The following MITF variants were observed in gnomAD, a reference collection of about 807,000 sequenced individuals.
MITF encodes microphthalmia-associated transcription factor.
MITF carries 17 observed loss-of-function variants against 60.5 expected under a neutral mutation model. The observed-to-expected ratio is 0.28, with a 90% CI of 0.19 to 0.42. The LOEUF is 0.42. MITF is among the 10% of genes least tolerant of loss of function. The pLI is 1.00. For missense variants in MITF, 622 were observed against 683.5 expected (o/e 0.91, Z 1.00); for synonymous variants, 260 against 248.5 (o/e 1.05, Z -0.43).
intron 1 of MITF, among the ~76,000 whole-genome samples, chr3:69,844,475 A>G (rs1425963162): frequency 6.6e-6 from 1 of 152,208 alleles, no homozygotes; most frequent in African/African-American, 2.4e-5. Context: ...TTAACTCAAG[A>G]TGGATTAAAG....
intron 2 of MITF, among the ~76,000 whole-genome samples, chr3:69,894,928 T>A (rs538158880): frequency 6.6e-6 from 1 of 152,104 alleles, no homozygotes; most frequent in Non-Finnish European, 1.5e-5. Context: ...TCTTGCAAAG[T>A]TCACTACTTC....
intron 1 of MITF, among the ~76,000 whole-genome samples, chr3:69,743,803 C>A (rs924243964): frequency 6.6e-6 from 1 of 152,180 alleles, no homozygotes; most frequent in Non-Finnish European, 1.5e-5. Flanking sequence ...GTTGAATGAG[C>A]TCCTAGGAGC....
Position 69,814,747 on chromosome 3 carries a change from T to C in MITF, c.105-64387T>C, listed in dbSNP as rs75594478. On this transcript the variant is annotated intron_variant, in intron 1 of 9. Transcript: ENST00000352241. Reference sequence around the variant, plus strand: ...TGCCAGTTATTAATCTACTGCGGCATGTAAAAAGAAGGTGCAAGCTTCCAG... The same window carrying C: ...TGCCAGTTATTAATCTACTGCGGCACGTAAAAAGAAGGTGCAAGCTTCCAG... Among the ~76,000 whole-genome samples, 8 of 152,254 alleles carry C rather than the reference T, an allele frequency of 5.3e-5. No individual in the cohort carries two copies. The East Asian group carries it at 1.5e-3, about 29-fold the overall frequency.
At chr3:69,774,938 T>C (rs958741111) in intron 1 of MITF, among the ~76,000 whole-genome samples, 1 of 152,198 alleles carries the variant, frequency 6.6e-6, no homozygotes, top group Non-Finnish European at 1.5e-5. Context: ...CCCTTGACTT[T>C]CACATTGCAT....
intron 1 of MITF, among the ~76,000 whole-genome samples, chr3:69,785,724 A>G (rs139867614): frequency 2.1e-3 from 316 of 152,276 alleles, no homozygotes; most frequent in African/African-American, 6.9e-3. Context: ...GGGAAATACA[A>G]CCTGAGAAAG....
At chr3:69,869,168 C>G (rs895574758) in intron 1 of MITF, among the ~76,000 whole-genome samples, 1 of 152,102 alleles carries the variant, frequency 6.6e-6, no homozygotes, top group Non-Finnish European at 1.5e-5. Context: ...AGACAGACAC[C>G]AACTTTACTC....
At chr3:69,938,786 A>G (rs2065903380) in intron 3 of MITF, 3 of 1,364,274 alleles carry the variant, frequency 2.2e-6, no homozygotes, top group African/African-American at 1.5e-5. Flanking sequence ...TTACCGTACT[A>G]TGGACTATGA....
intron 5 of MITF, among the ~76,000 whole-genome samples, chr3:69,945,546 CTTTA>C (rs2066074381): frequency 6.6e-6 from 1 of 152,204 alleles, no homozygotes; most frequent in South Asian, 2.1e-4. Context: ...AGAATCCTTT[CTTTA>C]AAATGCATGG....
intron 2 of MITF, among the ~76,000 whole-genome samples, chr3:69,889,500 AAAAT>A (rs1162763922): frequency 6.6e-6 from 1 of 152,052 alleles, no homozygotes; most frequent in African/African-American, 2.4e-5. Flanking sequence ...AAAAAAAAAA[AAAAT>A]AGTGAAACTA....
At position 69,931,800 on chromosome 3, in the gene MITF, A is replaced by T. The variant is rs562766826; in HGVS notation, c.355-6022A>T. ...TTACACAGTTTTATCTTCCCTTCTTATTCAGTTAAAGTCCTAGATCAGAAC... is the reference window on the plus strand; with the variant it reads ...TTACACAGTTTTATCTTCCCTTCTTTTTCAGTTAAAGTCCTAGATCAGAAC... On this transcript the variant is annotated intron_variant, in intron 2 of 9. Transcript: ENST00000352241. 2.6e-5 allele frequency among the ~76,000 whole-genome samples: 4 copies of T among 152,296 alleles called. No homozygotes were observed. In the East Asian group the frequency reaches 7.7e-4, roughly 29 times the overall value.
chr3:69,913,078 C>G (rs1161797223), intron 2 of MITF, among the ~76,000 whole-genome samples: 1 of 151,930 alleles, frequency 6.6e-6, no homozygotes, highest in African/African-American at 2.4e-5. Flanking sequence ...ATTTAAAAAG[C>G]AAGCGGCAGA....
chr3:69,944,759 C>G (rs1465452741), intron 5 of MITF, among the ~76,000 whole-genome samples: 3 of 151,990 alleles, frequency 2.0e-5, no homozygotes, highest in Non-Finnish European at 4.4e-5. Context: ...TAAGAGGTAG[C>G]CCACAAAAAG....
At chr3:69,886,857 TAACTC>T (rs1474106564) in intron 2 of MITF, among the ~76,000 whole-genome samples, 1 of 152,130 alleles carries the variant, frequency 6.6e-6, no homozygotes, top group African/African-American at 2.4e-5. Flanking sequence ...CCAAAAATCA[TAACTC>T]AAGTCACTTA....
chr3:69,766,298 C>T (rs2062291479), intron 1 of MITF, among the ~76,000 whole-genome samples: 1 of 151,402 alleles, frequency 6.6e-6, no homozygotes, highest in African/African-American at 2.4e-5. Context: ...CAACCTCTGC[C>T]TCCTGGGTTC....
chr3:69,808,323 T>C (rs913552316), intron 1 of MITF, among the ~76,000 whole-genome samples: 14 of 151,984 alleles, frequency 9.2e-5, no homozygotes, highest in African/African-American at 3.4e-4. Flanking sequence ...AGGGGGGCAC[T>C]TTTAAGTACT....
At chr3:69,950,549 T>C (rs1420921842) in intron 6 of MITF, among the ~76,000 whole-genome samples, 2 of 148,904 alleles carry the variant, frequency 1.3e-5, no homozygotes, top group Admixed American at 1.3e-4. Flanking sequence ...CATATAGATA[T>C]GCATATATAC....
intron 1 of MITF, among the ~76,000 whole-genome samples, chr3:69,857,446 C>T (rs536960868): frequency 3.6e-4 from 54 of 151,710 alleles, no homozygotes; most frequent in Admixed American, 2.4e-3. Flanking sequence ...ATCAGTGTGA[C>T]AATATGATAA....
chr3:69,845,990 T>G (rs2063725564), intron 1 of MITF, among the ~76,000 whole-genome samples: 1 of 152,190 alleles, frequency 6.6e-6, no homozygotes, highest in African/African-American at 2.4e-5. Context: ...GTGCTGGGAA[T>G]AGAGCAGTAA....
At chr3:69,804,367 CT>C (rs757723977) in intron 1 of MITF, among the ~76,000 whole-genome samples, 5 of 151,692 alleles carry the variant, frequency 3.3e-5, no homozygotes, top group Non-Finnish European at 7.4e-5. Context: ...CCTTCTCCAC[CT>C]TTTCCTCAAC....
Sources: gnomAD v4.1 joint callset for allele counts (sites outside exome capture counted in the v4.1 genomes callset) on GRCh38, gnomAD v4.1.1 for gene constraint, MANE v1.5 for transcripts, NCBI Gene and HGNC (gene_info 2026-07-23, HGNC 2026-07-21) for gene names.